Variants in PPEF1 observed in about 807,000 individuals in gnomAD.
The protein encoded by PPEF1 is protein phosphatase with EF-hand domain 1.
PPEF1 carries 12 observed loss-of-function variants against 53.3 expected under a neutral mutation model. The observed-to-expected ratio is 0.23, with a 90% CI of 0.14 to 0.36. PPEF1 has a LOEUF of 0.36. PPEF1 is among the 10% of genes least tolerant of loss of function. The probability of loss-of-function intolerance (pLI) is 1.00; values close to 1 mark genes in which losing one functional copy is unlikely to be tolerated. For synonymous variants in PPEF1, 165 were observed against 176.7 expected (o/e 0.93, Z 0.52); for missense variants, 334 against 490.4 (o/e 0.68, Z 3.01).
intron 10 of PPEF1, among the ~76,000 whole-genome samples, chrX:18,794,014 T>A (rs915906371): frequency 4.5e-5 from 5 of 112,127 alleles, no homozygotes; most frequent in African/African-American, 1.6e-4. Context: ...TTCGGACCCA[T>A]CTGCCTCTAT....
chrX:18,682,490 C>G (rs762950923), upstream of PPEF1, among the ~76,000 whole-genome samples: 2 of 111,960 alleles, frequency 1.8e-5, no homozygotes, highest in South Asian at 7.5e-4. Context: ...TGAAAGACGT[C>G]CACGACCTGC....
chrX:18,790,731 G>A (rs779409319), intron 10 of PPEF1, among the ~76,000 whole-genome samples: 1 of 108,962 alleles, frequency 9.2e-6, no homozygotes, highest in African/African-American at 3.3e-5. Context: ...ACAGAGTCTC[G>A]CTCTGTTACC....
chrX:18,727,110 G>C (rs1225658648), intron 1 of PPEF1, among the ~76,000 whole-genome samples: 1 of 112,468 alleles, frequency 8.9e-6, no homozygotes, highest in Non-Finnish European at 1.9e-5. Flanking sequence ...GGGCTATGGA[G>C]TCAGTCAGAC....
chrX:18,823,947 C>T lies in PPEF1; in HGVS notation c.1526C>T (p.Ala509Val). The change falls in exon 14 of 16, where the codon GCT becomes GTT. Residue 509 changes from alanine (A) to valine (V), a missense_variant. Coordinates refer to ENST00000470157, the MANE Select transcript of PPEF1 (RefSeq NM_001377996.1). ...KSGKLSVSQW[A>V]FCMENILGLN... is the part of the protein sequence containing the mutation. ...GGAAAACTTTCTGTGAGCCAGTGGGCTTTTTGCATGGAGAACATTTTGGGG... is the reference window on the plus strand; with the variant it reads ...GGAAAACTTTCTGTGAGCCAGTGGGTTTTTTGCATGGAGAACATTTTGGGG... 1.7e-6 allele frequency: 2 copies of T among 1,208,471 alleles called. No homozygotes were observed. Among genetic ancestry groups the T allele is most frequent in the Non-Finnish European group, 2.2e-6 (2 of 893,645 alleles).
chrX:18,788,484 G>A (rs1368615410), intron 9 of PPEF1, among the ~76,000 whole-genome samples: 2 of 109,828 alleles, frequency 1.8e-5, no homozygotes, highest in Admixed American at 2.0e-4. Flanking sequence ...GGAACAAGAG[G>A]GATTCTAGTA....
upstream of PPEF1, among the ~76,000 whole-genome samples, chrX:18,680,046 G>A (rs1444281367): frequency 7.8e-5 from 8 of 102,749 alleles, no homozygotes; most frequent in Admixed American, 8.7e-4. Context: ...CCGTGACTGT[G>A]CCATTACACC....
At chrX:18,784,935 C>T (rs751257310) in intron 9 of PPEF1, among the ~76,000 whole-genome samples, 1 of 110,483 alleles carries the variant, frequency 9.1e-6, no homozygotes, top group African/African-American at 3.3e-5. Flanking sequence ...GGTGTAGGGG[C>T]GCCACATGGG....
At chrX:18,714,967 A>G (rs2044421269) in intron 1 of PPEF1, among the ~76,000 whole-genome samples, 1 of 111,944 alleles carries the variant, frequency 8.9e-6, no homozygotes, top group Admixed American at 9.5e-5. Flanking sequence ...AGGTCGTTCC[A>G]CCTGACCACA....
At chrX:18,784,857 G>A (rs748155074) in intron 9 of PPEF1, among the ~76,000 whole-genome samples, 5 of 110,946 alleles carry the variant, frequency 4.5e-5, no homozygotes, top group South Asian at 3.9e-4. Flanking sequence ...TTCCTTGGAC[G>A]GGTCTTGCAG....
At chrX:18,726,578 G>T (rs779092778) in intron 1 of PPEF1, among the ~76,000 whole-genome samples, 119 of 110,586 alleles carry the variant, frequency 1.1e-3, no homozygotes, top group African/African-American at 3.8e-3. Context: ...TGCTTGTGGG[G>T]ACCAAATGTC....
At chrX:18,773,630 A>T (rs1371059571) in intron 6 of PPEF1, among the ~76,000 whole-genome samples, 2 of 111,142 alleles carry the variant, frequency 1.8e-5, no homozygotes, top group Non-Finnish European at 3.8e-5. Context: ...GTAAAGTTTT[A>T]TTTTTTATTG....
At chrX:18,779,656 C>T (rs746889213) in intron 7 of PPEF1, among the ~76,000 whole-genome samples, 30 of 112,374 alleles carry the variant, frequency 2.7e-4, no homozygotes, top group Non-Finnish European at 5.3e-4. Flanking sequence ...AACATATTTA[C>T]GAACACAGCA....
chrX:18,762,377 C>T (rs746988082), intron 6 of PPEF1, among the ~76,000 whole-genome samples: 3 of 111,548 alleles, frequency 2.7e-5, no homozygotes, highest in East Asian at 5.6e-4. Context: ...TTGGGCGTAG[C>T]GTAGGTATCT....
chrX:18,773,688 T>A (rs780540187), intron 6 of PPEF1, among the ~76,000 whole-genome samples: 2 of 112,177 alleles, frequency 1.8e-5, no homozygotes, highest in African/African-American at 3.2e-5. Flanking sequence ...AGTGGTTACC[T>A]TCCCACTTCT....
At chrX:18,734,671 A>G (rs189884228) in intron 3 of PPEF1, among the ~76,000 whole-genome samples, 21 of 111,237 alleles carry the variant, frequency 1.9e-4, no homozygotes, top group African/African-American at 6.9e-4. Context: ...GTCAAATGGT[A>G]TTTCTGGTTC....
intron 1 of PPEF1, among the ~76,000 whole-genome samples, chrX:18,729,789 T>C (rs142051135): frequency 1.8e-5 from 2 of 112,532 alleles, no homozygotes; most frequent in East Asian, 2.8e-4. Context: ...AGGGTATACA[T>C]AGATTCATAG....
intron 2 of PPEF1, among the ~76,000 whole-genome samples, chrX:18,732,515 T>G (rs1296898058): frequency 8.9e-6 from 1 of 112,249 alleles, no homozygotes; most frequent in Non-Finnish European, 1.9e-5. Context: ...TTGCCAATAC[T>G]TGTTATTATC....
chrX:18,682,164 C>T (rs1050131600), upstream of PPEF1, among the ~76,000 whole-genome samples: 2 of 112,548 alleles, frequency 1.8e-5, no homozygotes, highest in Admixed American at 1.9e-4. Flanking sequence ...CGCACTGCTG[C>T]CTCCTCTGAG....
chrX:18,825,795 C>A lies in PPEF1; in HGVS notation c.1710C>A (p.Asp570Glu). The A allele has an allele frequency of 8.3e-7, 1 of 1,203,308 alleles. No individual in the cohort carries two copies. Among genetic ancestry groups the A allele is most frequent in the Admixed American group, 2.2e-5 (1 of 45,032 alleles). ...LVETLYRYRSDLEIIFNAIDT... is the reference protein window; with the variant it reads ...LVETLYRYRSELEIIFNAIDT... ...AAACTCTGTACAGATACAGATCTGA[C>A]CTGGAAATCATATTTAATGCCATTG... is the stretch of plus-strand genomic sequence containing the variant. The change falls in exon 15 of 16, where the codon GAC becomes GAA. Residue 570 changes from aspartate (D) to glutamate (E), a missense_variant. Transcript: ENST00000470157.
Sources: gnomAD v4.1 joint callset for allele counts (sites outside exome capture counted in the v4.1 genomes callset) on GRCh38, gnomAD v4.1.1 for gene constraint, MANE v1.5 for transcripts, NCBI Gene and HGNC (gene_info 2026-07-23, HGNC 2026-07-21) for gene names.